Variants in BBOX1 observed in about 807,000 individuals in gnomAD.
BBOX1 encodes gamma-butyrobetaine dioxygenase.
In BBOX1, 35 loss-of-function variants were observed where a neutral mutation model predicts 41.6. The observed-to-expected ratio is 0.84, with a 90% confidence interval of 0.64 to 1.11. BBOX1 has a LOEUF of 1.11. Ranked by LOEUF, BBOX1 falls within the 50% of genes most tolerant of loss-of-function variation. BBOX1 has a pLI of 0.00. For synonymous variants in BBOX1, 163 were observed against 154.7 expected (o/e 1.05, Z -0.40); for missense variants, 458 against 460.6 (o/e 0.99, Z 0.05).
chr11:27,047,762 T>C (rs969592683), intron 2 of BBOX1, among the ~76,000 whole-genome samples: 41 of 152,022 alleles, frequency 2.7e-4, no homozygotes, highest in African/African-American at 8.9e-4. Context: ...TTACAGTAGA[T>C]TTTTTCTTTG....
At chr11:27,068,352 T>C (rs1038746200) in intron 4 of BBOX1, among the ~76,000 whole-genome samples, 1 of 152,208 alleles carries the variant, frequency 6.6e-6, no homozygotes, top group Non-Finnish European at 1.5e-5. Context: ...TTCATGTTTG[T>C]TGGCCATTTG....
chr11:27,081,351 C>G (rs1184326633), intron 4 of BBOX1, among the ~76,000 whole-genome samples: 1 of 152,022 alleles, frequency 6.6e-6, no homozygotes, highest in Admixed American at 6.6e-5. Flanking sequence ...TGATGGTTTC[C>G]AGCTTCATCC....
intron 5 of BBOX1, among the ~76,000 whole-genome samples, chr11:27,108,901 C>T (rs192358099): frequency 1.4e-4 from 22 of 152,142 alleles, no homozygotes; most frequent in Non-Finnish European, 2.6e-4. Context: ...TGCCACCCTA[C>T]TAATACCCTT....
intron 4 of BBOX1, among the ~76,000 whole-genome samples, chr11:27,083,515 C>T (rs969389963): frequency 6.6e-6 from 1 of 152,042 alleles, no homozygotes; most frequent in African/African-American, 2.4e-5. Flanking sequence ...TAACACTCTT[C>T]CCCCTGCTCT....
chr11:27,064,885 G>A (rs565907438), intron 4 of BBOX1, among the ~76,000 whole-genome samples: 1 of 149,968 alleles, frequency 6.7e-6, no homozygotes, highest in Admixed American at 6.7e-5. Context: ...GGGGTCCAGT[G>A]GAGCCATAGG....
At chr11:27,095,146 G>C (rs1858391583) in intron 5 of BBOX1, among the ~76,000 whole-genome samples, 1 of 151,950 alleles carries the variant, frequency 6.6e-6, no homozygotes, top group South Asian at 2.1e-4. Context: ...AAAGCACATG[G>C]AAAAGAAGAG....
intron 4 of BBOX1, chr11:27,066,448 C>T (rs983432798): frequency 2.0e-5 from 3 of 152,026 alleles, no homozygotes; most frequent in African/African-American, 4.8e-5. Flanking sequence ...TCAGCAGATT[C>T]GCCAGACAAT....
chr11:27,045,134 G>C (rs1349617309), intron 2 of BBOX1, among the ~76,000 whole-genome samples: 1 of 151,940 alleles, frequency 6.6e-6, no homozygotes, highest in African/African-American at 2.4e-5. Context: ...TCCTTGAAAA[G>C]GTCCTTCACA....
intron 5 of BBOX1, among the ~76,000 whole-genome samples, chr11:27,106,370 G>T (rs1480250683): frequency 6.6e-6 from 1 of 151,710 alleles, no homozygotes; most frequent in Non-Finnish European, 1.5e-5. Context: ...ACACAAATAG[G>T]CTCAAAATAA....
chr11:27,095,355 T>G (rs1858402190), intron 5 of BBOX1, among the ~76,000 whole-genome samples: 1 of 149,198 alleles, frequency 6.7e-6, no homozygotes, highest in Admixed American at 6.6e-5. Flanking sequence ...GGGGTCACAA[T>G]CTAAGCTTGA....
chr11:27,117,472 C>G, intron 6 of BBOX1, among the ~76,000 whole-genome samples: 1 of 151,910 alleles, frequency 6.6e-6, no homozygotes. Flanking sequence ...GCAGGAGACA[C>G]CCAGTGTGAT....
chr11:27,052,341 T>G (rs1368325093), intron 2 of BBOX1, among the ~76,000 whole-genome samples: 2 of 152,108 alleles, frequency 1.3e-5, no homozygotes, highest in African/African-American at 4.8e-5. Context: ...CCATACAATG[T>G]ATCTGATTCT....
chr11:27,070,920 T>C (rs936301159), intron 4 of BBOX1, among the ~76,000 whole-genome samples: 9 of 152,138 alleles, frequency 5.9e-5, no homozygotes, highest in Non-Finnish European at 1.5e-5. Context: ...CATCAACCTT[T>C]TGTTTCAAGT....
At chr11:27,072,405 C>A (rs1857484090) in intron 4 of BBOX1, among the ~76,000 whole-genome samples, 1 of 152,138 alleles carries the variant, frequency 6.6e-6, no homozygotes, top group African/African-American at 2.4e-5. Flanking sequence ...CAAACCACTG[C>A]TCAACGAAAT....
intron 4 of BBOX1, among the ~76,000 whole-genome samples, chr11:27,081,014 T>G (rs769046255): frequency 1.3e-5 from 2 of 152,140 alleles, no homozygotes; most frequent in Non-Finnish European, 2.9e-5. Context: ...GAAACTGAAC[T>G]TAGAGAATTT....
At position 27,081,757 on chromosome 11, in the gene BBOX1, G is replaced by A. The variant is rs533321937; in HGVS notation, c.335-11411G>A. Among the ~76,000 whole-genome samples the A allele has an allele frequency of 1.8e-4, 27 of 152,224 alleles. No homozygotes were observed. The South Asian group carries it at 2.7e-3, about 15-fold the overall frequency. On this transcript the variant is annotated intron_variant, in intron 4 of 8. Transcript: ENST00000263182. ...TTTAATGATCGCCATTCTAACTGGCGTGAGATAGTATTTCATTGTGGTTTT... is the reference window on the plus strand; with the variant it reads ...TTTAATGATCGCCATTCTAACTGGCATGAGATAGTATTTCATTGTGGTTTT...
chr11:27,065,583 C>T (rs577263241), intron 4 of BBOX1, among the ~76,000 whole-genome samples: 4 of 152,180 alleles, frequency 2.6e-5, no homozygotes, highest in South Asian at 2.1e-4. Context: ...AGGTTGCTCC[C>T]GCAAAATCTG....
rs1244839072 is a variant in BBOX1, at chr11:27,048,993, C to T, written c.-38-6400C>T. Among the ~76,000 whole-genome samples the T allele has an allele frequency of 4.8e-5, 7 of 146,428 alleles. No homozygotes were observed. The South Asian group carries it at 8.6e-4, about 18-fold the overall frequency. On this transcript the variant is annotated intron_variant, in intron 2 of 8. Coordinates refer to ENST00000263182, the MANE Select transcript of BBOX1 (RefSeq NM_003986.3). ...ATTCCCACCTATGAGTGAGAATATG[C>T]GGTGTTTGGTTTTTTGTTCTTGTGA...
At chr11:27,079,367 C>A (rs547710810) in intron 4 of BBOX1, among the ~76,000 whole-genome samples, 4 of 152,072 alleles carry the variant, frequency 2.6e-5, no homozygotes, top group Non-Finnish European at 5.9e-5. Context: ...AGAAAGTGAT[C>A]CTGTGTTATC....
Sources: gnomAD v4.1 joint callset for allele counts (sites outside exome capture counted in the v4.1 genomes callset) on GRCh38, gnomAD v4.1.1 for gene constraint, MANE v1.5 for transcripts, NCBI Gene and HGNC (gene_info 2026-07-23, HGNC 2026-07-21) for gene names.